Variants in MSI2 observed in about 807,000 individuals in gnomAD.
MSI2 encodes RNA-binding protein Musashi homolog 2.
Under a neutral mutation model 45.6 loss-of-function variants are expected in MSI2, and 17 were observed. The ratio of observed to expected loss-of-function variants is 0.37; its 90% CI spans 0.26 to 0.56. The LOEUF (loss-of-function observed/expected upper bound fraction) is 0.56, where lower values mean the gene tolerates loss of function less well. Among genes scored for constraint, MSI2 ranks in the 20% least tolerant of loss-of-function variants. The pLI, the probability that MSI2 is intolerant of heterozygous loss-of-function variation, is 0.77. For synonymous variants in MSI2, 156 were observed against 158.2 expected (o/e 0.99, Z 0.11); for missense variants, 293 against 444.2 (o/e 0.66, Z 3.06).
At chr17:57,416,491 T>G (rs1234235513) in intron 6 of MSI2, among the ~76,000 whole-genome samples, 6 of 152,186 alleles carry the variant, frequency 3.9e-5, no homozygotes, top group African/African-American at 1.4e-4. Flanking sequence ...CACTTGCAAG[T>G]TATTTCAAAA....
At chr17:57,269,526 G>T (rs552314956) in intron 5 of MSI2, among the ~76,000 whole-genome samples, 28 of 152,166 alleles carry the variant, frequency 1.8e-4, no homozygotes, top group Non-Finnish European at 3.7e-4. Context: ...CAGGAGTGAT[G>T]CTCTTAGCAG....
chr17:57,385,785 T>C (rs11657462), intron 5 of MSI2, among the ~76,000 whole-genome samples: 84,952 of 152,258 alleles, frequency 0.56, 27,669 homozygotes, highest in South Asian at 0.77. Flanking sequence ...CTGACTTCTG[T>C]GTTATAGTTG....
At chr17:57,434,965 A>G (rs1195627493) in intron 6 of MSI2, among the ~76,000 whole-genome samples, 1 of 152,188 alleles carries the variant, frequency 6.6e-6, no homozygotes, top group Non-Finnish European at 1.5e-5. Context: ...CATGAAACAT[A>G]CATTTCAGTG....
chr17:57,588,801 T>C (rs1273251014), intron 7 of MSI2, among the ~76,000 whole-genome samples: 1 of 152,156 alleles, frequency 6.6e-6, no homozygotes, highest in Non-Finnish European at 1.5e-5. Context: ...GGTGCAGTTG[T>C]TGGACAAGGT....
intron 6 of MSI2, among the ~76,000 whole-genome samples, chr17:57,477,077 T>C (rs1391210283): frequency 1.3e-5 from 2 of 151,966 alleles, no homozygotes; most frequent in Non-Finnish European, 1.5e-5. Context: ...TGGCCTTAAC[T>C]GTGGAAAGGC....
intron 6 of MSI2, among the ~76,000 whole-genome samples, chr17:57,478,100 C>G (rs2085576738): frequency 6.6e-6 from 1 of 152,158 alleles, no homozygotes. Context: ...GTCATCTCCT[C>G]ACGTGCTCTG....
At chr17:57,348,475 C>A (rs971867789) in intron 5 of MSI2, among the ~76,000 whole-genome samples, 24 of 152,162 alleles carry the variant, frequency 1.6e-4, no homozygotes, top group African/African-American at 5.8e-4. Context: ...GCAGATCCCT[C>A]AGGAATGACT....
intron 7 of MSI2, among the ~76,000 whole-genome samples, chr17:57,542,002 G>A (rs1026494514): frequency 2.6e-5 from 4 of 152,130 alleles, no homozygotes; most frequent in Admixed American, 2.0e-4. Context: ...TTATTATCTC[G>A]GAGGGCTGGG....
intron 5 of MSI2, among the ~76,000 whole-genome samples, chr17:57,317,744 C>T (rs1242288799): frequency 1.3e-5 from 2 of 152,070 alleles, no homozygotes; most frequent in African/African-American, 4.8e-5. Flanking sequence ...GACTTATTTC[C>T]TGAGGTTACA....
At chr17:57,320,042 A>G (rs182641888) in intron 5 of MSI2, among the ~76,000 whole-genome samples, 1 of 151,744 alleles carries the variant, frequency 6.6e-6, no homozygotes, top group South Asian at 2.1e-4. Flanking sequence ...TTCCCTTTGC[A>G]TCGTCTCACT....
chr17:57,295,164 G>C (rs759509131), intron 5 of MSI2, among the ~76,000 whole-genome samples: 2 of 152,164 alleles, frequency 1.3e-5, no homozygotes, highest in Non-Finnish European at 2.9e-5. Context: ...GATGATGGAT[G>C]GTCATGGTCA....
chr17:57,293,256 T>A (rs554317775), intron 5 of MSI2, among the ~76,000 whole-genome samples: 12 of 152,170 alleles, frequency 7.9e-5, no homozygotes, highest in Non-Finnish European at 1.2e-4. Flanking sequence ...GGCCCTACTG[T>A]TGGAATGGCC....
intron 5 of MSI2, among the ~76,000 whole-genome samples, chr17:57,387,667 G>C (rs1460773222): frequency 6.6e-6 from 1 of 152,190 alleles, no homozygotes; most frequent in Non-Finnish European, 1.5e-5. Flanking sequence ...AGAAATCAAG[G>C]GTAGTAGAAT....
intron 5 of MSI2, among the ~76,000 whole-genome samples, chr17:57,356,903 G>C (rs777844598): frequency 6.6e-6 from 1 of 152,120 alleles, no homozygotes; most frequent in African/African-American, 2.4e-5. Flanking sequence ...AGCTGCTTTC[G>C]GTTTTGAATG....
chr17:57,481,550 C>A (rs1330224874), intron 6 of MSI2, among the ~76,000 whole-genome samples: 4 of 152,168 alleles, frequency 2.6e-5, no homozygotes, highest in Admixed American at 6.5e-5. Flanking sequence ...TTTAAAGTGA[C>A]AATTGGTAGA....
intron 7 of MSI2, among the ~76,000 whole-genome samples, chr17:57,560,384 G>T (rs534910989): frequency 6.6e-6 from 1 of 152,324 alleles, no homozygotes; most frequent in South Asian, 2.1e-4. Flanking sequence ...GCCCTGGAGC[G>T]GGGTTGGTGG....
chr17:57,579,846 T>C (rs1362527022), intron 7 of MSI2, among the ~76,000 whole-genome samples: 1 of 152,178 alleles, frequency 6.6e-6, no homozygotes, highest in Non-Finnish European at 1.5e-5. Context: ...ATTTGAAGGA[T>C]GAGAAAGCTG....
intron 5 of MSI2, among the ~76,000 whole-genome samples, chr17:57,271,420 T>C (rs1465283443): frequency 1.3e-5 from 2 of 152,184 alleles, no homozygotes; most frequent in Non-Finnish European, 2.9e-5. Flanking sequence ...GTCTTCTTTT[T>C]AAGAAATCCA....
intron 6 of MSI2, among the ~76,000 whole-genome samples, chr17:57,431,287 C>G (rs16958376): frequency 0.014 from 2,175 of 152,302 alleles, 39 homozygotes; most frequent in African/African-American, 0.049. Context: ...AAATCAGAGC[C>G]CTGTGGTTCA....
Sources: allele counts gnomAD v4.1 joint callset (sites outside exome capture counted in the v4.1 genomes callset), GRCh38; gene constraint gnomAD v4.1.1; transcripts MANE v1.5; gene names NCBI Gene and HGNC (gene_info 2026-07-23, HGNC 2026-07-21).